Variants in NXPE3 observed in about 807,000 individuals in gnomAD.
NXPE3 encodes neurexophilin and PC-esterase domain family member 3.
Under a neutral mutation model 46.1 loss-of-function variants are expected in NXPE3, and 26 were observed. The observed-to-expected ratio is 0.56, with a 90% CI of 0.41 to 0.78. The LOEUF (loss-of-function observed/expected upper bound fraction) is 0.78. Among genes scored for constraint, NXPE3 ranks in the 30% least tolerant of loss-of-function variants. The pLI is 0.00. For synonymous variants in NXPE3, 272 were observed against 257.9 expected (o/e 1.05, Z -0.52); for missense variants, 620 against 686.0 (o/e 0.90, Z 1.07).
chr3:101,782,258 TA>T lies in NXPE3; in HGVS notation c.-347del, dbSNP rs1175006786. The T allele has an allele frequency of 2.0e-5, 3 of 152,206 alleles. No homozygotes were observed. 9.4% of individuals were successfully genotyped at this position (152,206 alleles called of 1,614,324 possible). A position where few individuals can be genotyped will look rare whatever the true frequency, so the allele number is the denominator to read the frequency against. On this transcript the variant is annotated 5_prime_UTR_variant, in exon 2 of 8. Coordinates refer to ENST00000273347, the MANE Select transcript of NXPE3 (RefSeq NM_145037.4). Reference sequence around the variant, plus strand: ...CGTAACTTCTAATTTCTAGTTCCAGTAAGCATCTCTTCTTGGAAAATTTCCA... The same window carrying T: ...CGTAACTTCTAATTTCTAGTTCCAGTAGCATCTCTTCTTGGAAAATTTCCA...
In NXPE3 at chr3:101,785,545, A is replaced by G. The variant is rs1940107833; in HGVS notation, c.-52A>G. On this transcript the variant is annotated 5_prime_UTR_variant, in exon 4 of 8. Transcript: ENST00000273347. ...GAAAAGCAAAGACATGGAATTTTAA[A>G]GAGTGAAGGTAGCATGGTGTCGGCC... 1 of 1,487,052 alleles carries G rather than the reference A, an allele frequency of 6.7e-7. No homozygotes were observed. Among genetic ancestry groups the G allele is most frequent in the South Asian group, 1.1e-5 (1 of 88,576 alleles). 92.1% of individuals were successfully genotyped at this position (1,487,052 alleles called of 1,614,324 possible). A position where few individuals can be genotyped will look rare whatever the true frequency, so the allele number is the denominator to read the frequency against.
intron 7 of NXPE3, among the ~76,000 whole-genome samples, chr3:101,818,271 G>A (rs1942054368): frequency 6.6e-6 from 1 of 152,108 alleles, no homozygotes. Context: ...TGTTTTGCTT[G>A]TTTTTTAAAT....
intron 4 of NXPE3, among the ~76,000 whole-genome samples, chr3:101,794,846 T>C (rs1385023335): frequency 6.6e-6 from 1 of 152,236 alleles, no homozygotes; most frequent in Non-Finnish European, 1.5e-5. Context: ...CCGTACTTAA[T>C]GCCAGCTAAA....
At position 101,823,482 on chromosome 3, in the gene NXPE3, TAA is replaced by T. The variant is rs1403322285; in HGVS notation, c.*1530_*1531del. ...GTAGTATCTGACAAAAATGCAGAAT[TAA>T]AGAGTCATGGCAGGGTGTGGTAGCT... On this transcript the variant is annotated 3_prime_UTR_variant, in exon 8 of 8. Transcript: ENST00000273347. The T allele has an allele frequency of 2.0e-5, 3 of 152,100 alleles. No individual in the cohort carries two copies. Among genetic ancestry groups the T allele is most frequent in the African/African-American group, 7.3e-5 (3 of 41,376 alleles). The allele number at this position is 152,100 out of a possible 1,614,324, so 9.4% of individuals were successfully genotyped here.
At chr3:101,818,170 C>T (rs979425431) in intron 7 of NXPE3, among the ~76,000 whole-genome samples, 100 of 152,274 alleles carry the variant, frequency 6.6e-4, no homozygotes, top group African/African-American at 2.2e-3. Flanking sequence ...TGATGGCTCA[C>T]ACCTGGCCTC....
Position 101,821,630 on chromosome 3 carries a change from T to G in NXPE3, c.1356T>G (p.Pro452=). ...IAVWSHFSTF[P]LEVYIRRLRN... is the part of the protein sequence containing the mutation. ...TATGGTCTCACTTCAGCACCTTCCC[T>G]TTGGAAGTGTACATCCGGCGGCTCA... The change falls in exon 8 of 8, where the codon CCT becomes CCG. Residue 452 remains proline (P), a synonymous_variant. Coordinates refer to ENST00000273347, the MANE Select transcript of NXPE3 (RefSeq NM_145037.4). 6.2e-7 allele frequency: 1 copy of G among 1,614,214 alleles called. No homozygotes were observed. The highest frequency in any genetic ancestry group is 8.5e-7 in the Non-Finnish European group (1 of 1,180,030).
In NXPE3 at chr3:101,817,024, C is replaced by T. The variant is rs369867575; in HGVS notation, c.1129+23C>T. 72 of 1,597,296 alleles carry T rather than the reference C, an allele frequency of 4.5e-5. No homozygotes were observed. In the African/African-American group the frequency reaches 8.3e-4, roughly 18 times the overall value. Reference sequence around the variant, plus strand: ...CAGGTTGGTACTGTGCCTTTTGTTTCGTAACTCTTTCCCACATCAGCTTTG... The same window carrying T: ...CAGGTTGGTACTGTGCCTTTTGTTTTGTAACTCTTTCCCACATCAGCTTTG... On this transcript the variant is annotated intron_variant, in intron 7 of 7. Transcript: ENST00000273347.
intron 4 of NXPE3, among the ~76,000 whole-genome samples, chr3:101,794,168 C>G (rs1359227721): frequency 1.3e-5 from 2 of 148,722 alleles, no homozygotes; most frequent in East Asian, 3.9e-4. Context: ...GTTTCTCTAT[C>G]TTTGCTGGAA....
chr3:101,811,546 A>G (rs1276176189), intron 6 of NXPE3, among the ~76,000 whole-genome samples: 1 of 152,084 alleles, frequency 6.6e-6, no homozygotes, highest in African/African-American at 2.4e-5. Flanking sequence ...CTCTGAGGGT[A>G]TAGTTAGGGA....
At position 101,801,332 on chromosome 3, in the gene NXPE3, G is replaced by A. The variant is rs1941130250; in HGVS notation, c.191G>A (p.Gly64Asp). Reference sequence around the variant, plus strand: ...GGAATTAGCCGAAATCCCTACTGTGGCTATGATCAGCAGACCCTGTCCAGC... The same window carrying A: ...GGAATTAGCCGAAATCCCTACTGTGACTATGATCAGCAGACCCTGTCCAGC... ...VTGISRNPYCGYDQQTLSSQE... is the reference protein window; with the variant it reads ...VTGISRNPYCDYDQQTLSSQE... Residue 64 changes from glycine to aspartate, a missense_variant, in exon 5 of 8, where the codon GGC (glycine) becomes GAC (aspartate). Gly to Asp is a moderately conservative substitution (Grantham distance 94, BLOSUM62 -1). This residue lies in a region of NXPE3 where 511 missense variants were observed against 528.6 expected (regional missense o/e 0.97). Coordinates refer to ENST00000273347, the MANE Select transcript of NXPE3 (RefSeq NM_145037.4). 1.2e-6 allele frequency: 2 copies of A among 1,614,064 alleles called. No individual in the cohort carries two copies. Among genetic ancestry groups the A allele is most frequent in the African/African-American group, 1.3e-5 (1 of 74,898 alleles).
At chr3:101,803,498 A>G (rs1386628196) in intron 5 of NXPE3, among the ~76,000 whole-genome samples, 1 of 152,226 alleles carries the variant, frequency 6.6e-6, no homozygotes, top group Non-Finnish European at 1.5e-5. Context: ...AAAATTTTTC[A>G]TTTTATTCGT....
chr3:101,796,557 A>G (rs1010698951), intron 4 of NXPE3, among the ~76,000 whole-genome samples: 1 of 152,228 alleles, frequency 6.6e-6, no homozygotes, highest in Non-Finnish European at 1.5e-5. Context: ...TTGGTCCTTA[A>G]TGGTGTGTCA....
At chr3:101,815,368 A>G (rs1421261761) in intron 6 of NXPE3, among the ~76,000 whole-genome samples, 1 of 152,220 alleles carries the variant, frequency 6.6e-6, no homozygotes, top group Non-Finnish European at 1.5e-5. Flanking sequence ...GATGGGATTC[A>G]TGGATTCTAA....
intron 1 of NXPE3, 44 bp downstream of exon 1, chr3:101,779,368 G>C (rs934025898): frequency 6.6e-6 from 1 of 152,548 alleles, no homozygotes; most frequent in Non-Finnish European, 1.5e-5. Flanking sequence ...GGGAGGGGCC[G>C]CTGCGGGCGG....
At chr3:101,782,998 A>G (rs1208727129) in intron 3 of NXPE3, among the ~76,000 whole-genome samples, 1 of 152,124 alleles carries the variant, frequency 6.6e-6, no homozygotes, top group Non-Finnish European at 1.5e-5. Context: ...AAAAATTAGG[A>G]CATACAGATA....
chr3:101,812,532 G>A (rs2055695968), intron 6 of NXPE3, among the ~76,000 whole-genome samples: 1 of 151,920 alleles, frequency 6.6e-6, no homozygotes, highest in Non-Finnish European at 1.5e-5. Flanking sequence ...GTATTTCGAC[G>A]GCCGGGCGCA....
chr3:101,812,604 G>A (rs188280956), intron 6 of NXPE3, among the ~76,000 whole-genome samples: 18 of 151,968 alleles, frequency 1.2e-4, no homozygotes, highest in South Asian at 6.3e-4. Flanking sequence ...ATGAGGTCAG[G>A]AGATGAGACC....
At chr3:101,788,924 A>G (rs989217316) in intron 4 of NXPE3, among the ~76,000 whole-genome samples, 1 of 152,044 alleles carries the variant, frequency 6.6e-6, no homozygotes, top group Non-Finnish European at 1.5e-5. Flanking sequence ...CCTCAGTAGC[A>G]TTAAGTCTTA....
rs572676867 is a variant in NXPE3, at chr3:101,825,492, A to C, written c.*3538A>C. On this transcript the variant is annotated 3_prime_UTR_variant, in exon 8 of 8. Transcript: ENST00000273347. ...CATCATAATTTTTAAAAACTATAAAATCTAGAAGAAAAATCTATGGATAAA... is the reference window on the plus strand; with the variant it reads ...CATCATAATTTTTAAAAACTATAAACTCTAGAAGAAAAATCTATGGATAAA... 2 of 152,356 alleles carry C rather than the reference A, an allele frequency of 1.3e-5. No individual in the cohort carries two copies. The highest frequency in any genetic ancestry group is 4.8e-5 in the African/African-American group (2 of 41,594). 9.4% of individuals were successfully genotyped at this position (152,356 alleles called of 1,614,324 possible).
Sources: gnomAD v4.1 joint callset for allele counts (sites outside exome capture counted in the v4.1 genomes callset) on GRCh38, gnomAD v4.1.1 for gene constraint, gnomAD v4.1.1 regional missense constraint, MANE v1.5 for transcripts, NCBI Gene and HGNC (gene_info 2026-07-23, HGNC 2026-07-21) for gene names.